MPHOSPH9: variants seen among roughly 807,000 people sequenced by gnomAD.
MPHOSPH9 encodes M-phase phosphoprotein 9.
MPHOSPH9 carries 88 observed loss-of-function variants against 145.5 expected under a neutral mutation model. The ratio of observed to expected loss-of-function variants is 0.60; its 90% CI spans 0.51 to 0.72. The LOEUF (loss-of-function observed/expected upper bound fraction) is 0.72. MPHOSPH9 is among the 30% of genes least tolerant of loss of function. The pLI is 0.00. For missense variants in MPHOSPH9, 1,238 were observed against 1,386.6 expected, an observed-to-expected ratio of 0.89 and a Z score of 1.70; for synonymous variants, 435 against 486.2, an observed-to-expected ratio of 0.89 and a Z score of 1.39.
intron 20 of MPHOSPH9, 56 bp from the exon 21 acceptor site, chr12:123,162,274 T>C: frequency 2.2e-6 from 2 of 926,652 alleles, no homozygotes; most frequent in Non-Finnish European, 3.1e-6. Context: ...ATTTTCCCTA[T>C]CTCCACTACA....
upstream of MPHOSPH9, chr12:123,233,361 G>A (rs997164591): frequency 1.3e-5 from 2 of 152,294 alleles, no homozygotes; most frequent in African/African-American, 4.8e-5. Context: ...AGGGAAAGAA[G>A]CTTCAGTTTC....
At chr12:123,180,016 A>G (rs2045056169) in intron 14 of MPHOSPH9, 26 bp from the exon 15 acceptor site, 1 of 1,204,756 alleles carries the variant, frequency 8.3e-7, no homozygotes, top group Middle Eastern at 2.0e-4. Flanking sequence ...AGAAATTCAG[A>G]TAACTGAAGA....
chr12:123,185,229 T>C (rs1003882205), intron 13 of MPHOSPH9, among the ~76,000 whole-genome samples: 12 of 150,978 alleles, frequency 7.9e-5, no homozygotes, highest in Non-Finnish European at 8.8e-5. Flanking sequence ...AACAGTCCAA[T>C]GGAAGCCATA....
downstream of MPHOSPH9, among the ~76,000 whole-genome samples, chr12:123,153,639 C>T (rs1338203696): frequency 6.6e-6 from 1 of 151,778 alleles, no homozygotes; most frequent in Non-Finnish European, 1.5e-5. Context: ...GTGGTATGCA[C>T]CTGTAATCCC....
chr12:123,161,243 G>A lies in MPHOSPH9; in HGVS notation c.3274C>T (p.Pro1092Ser). The A allele has an allele frequency of 6.8e-6, 11 of 1,614,068 alleles. No homozygotes were observed. The highest frequency in any genetic ancestry group is 8.5e-6 in the Non-Finnish European group (10 of 1,180,008). ...TTCCCCTGTGGAGTGACTGAAACCGGCTTACACTGTTCGTAGCTAACTGAT... is the reference window on the plus strand; with the variant it reads ...TTCCCCTGTGGAGTGACTGAAACCGACTTACACTGTTCGTAGCTAACTGAT... ...NKSVSYEQCKPVSVTPQGNDF... is the reference protein window; with the variant it reads ...NKSVSYEQCKSVSVTPQGNDF... The change falls in exon 22 of 24, where the codon CCG becomes TCG. Residue 1092 changes from proline to serine, a missense_variant. Pro to Ser is a moderately conservative substitution (Grantham distance 74, BLOSUM62 -1). Coordinates refer to ENST00000606320, the MANE Select transcript of MPHOSPH9 (RefSeq NM_022782.4).
At chr12:123,205,213 C>T (rs1454655863) in intron 8 of MPHOSPH9, among the ~76,000 whole-genome samples, 1 of 152,178 alleles carries the variant, frequency 6.6e-6, no homozygotes, top group African/African-American at 2.4e-5. Flanking sequence ...TTTTTAAAAC[C>T]TTGTGAGTGT....
At chr12:123,153,184 T>C (rs1200898886), downstream of MPHOSPH9, 1 of 152,228 alleles carries the variant, frequency 6.6e-6, no homozygotes, top group African/African-American at 2.4e-5. Context: ...TGGAGGATAC[T>C]GGCAATAATT....
upstream of MPHOSPH9, among the ~76,000 whole-genome samples, chr12:123,235,518 C>G (rs1197188638): frequency 6.6e-6 from 1 of 151,716 alleles, no homozygotes; most frequent in African/African-American, 2.4e-5. Context: ...GTGCCTGCCA[C>G]CAGGCCCAGC....
chr12:123,153,157 T>C (rs2043807229), downstream of MPHOSPH9: 1 of 152,180 alleles, frequency 6.6e-6, no homozygotes, highest in African/African-American at 2.4e-5. Flanking sequence ...GATGAAACAT[T>C]TGAAGGGGCA....
chr12:123,238,883 C>G (rs1005415779), intron 1 of MPHOSPH9, among the ~76,000 whole-genome samples: 1 of 152,148 alleles, frequency 6.6e-6, no homozygotes. Context: ...AAGTAGCCAC[C>G]AGCACATGTG....
intron 17 of MPHOSPH9, 76 bp from the exon 18 acceptor site, chr12:123,165,553 A>C: frequency 1.6e-6 from 2 of 1,290,094 alleles, no homozygotes; most frequent in Non-Finnish European, 2.2e-6. Flanking sequence ...CACACCAAAC[A>C]TACATGTTGA....
At chr12:123,178,954 G>T (rs1164781980) in intron 15 of MPHOSPH9, among the ~76,000 whole-genome samples, 1 of 152,182 alleles carries the variant, frequency 6.6e-6, no homozygotes, top group Non-Finnish European at 1.5e-5. Flanking sequence ...CATAATTTTG[G>T]TGTTAATGCT....
chr12:123,219,888 TAAA>T (rs1309148327), intron 5 of MPHOSPH9, among the ~76,000 whole-genome samples: 4 of 151,902 alleles, frequency 2.6e-5, no homozygotes, highest in Non-Finnish European at 5.9e-5. Context: ...TTCTTATACA[TAAA>T]AAACATTCAG....
At position 123,194,609 on chromosome 12, in the gene MPHOSPH9, A is replaced by T; in HGVS notation, c.2026-8T>A. ...GCGTTCTCTCAAATCATTCTATAAA[A>T]CAAAGACAAACATAATTTTTTTTTT... On this transcript the variant is annotated splice_polypyrimidine_tract_variant and splice_region_variant and intron_variant, in intron 12 of 23. Coordinates refer to ENST00000606320, the MANE Select transcript of MPHOSPH9 (RefSeq NM_022782.4). The T allele has an allele frequency of 6.4e-7, 1 of 1,553,896 alleles. No individual in the cohort carries two copies. Among genetic ancestry groups the T allele is most frequent in the Non-Finnish European group, 8.6e-7 (1 of 1,162,402 alleles).
upstream of MPHOSPH9, among the ~76,000 whole-genome samples, chr12:123,234,263 G>T (rs538746838): frequency 2.6e-5 from 4 of 152,296 alleles, no homozygotes; most frequent in Non-Finnish European, 5.9e-5. Context: ...GACTTCCCTG[G>T]CACTATCACT....
chr12:123,227,768 C>T (rs1046212974), intron 2 of MPHOSPH9, among the ~76,000 whole-genome samples, 152 bp from the exon 3 acceptor site: 3 of 152,220 alleles, frequency 2.0e-5, no homozygotes, highest in Non-Finnish European at 4.4e-5. Flanking sequence ...TCACAAGTTG[C>T]TCCACAAAAG....
intron 21 of MPHOSPH9, among the ~76,000 whole-genome samples, chr12:123,161,649 A>T (rs562244533): frequency 1.3e-5 from 2 of 151,718 alleles, no homozygotes; most frequent in Admixed American, 1.3e-4. Flanking sequence ...AATGAACTTT[A>T]AGTAAACTTA....
chr12:123,176,436 C>T (rs1020476163), intron 16 of MPHOSPH9, among the ~76,000 whole-genome samples: 7 of 152,148 alleles, frequency 4.6e-5, no homozygotes, highest in Non-Finnish European at 1.0e-4. Flanking sequence ...AAGTGACTTG[C>T]CTAAGGTCAC....
chr12:123,211,617 A>T (rs1182127461), intron 7 of MPHOSPH9, among the ~76,000 whole-genome samples: 4 of 151,966 alleles, frequency 2.6e-5, no homozygotes, highest in Non-Finnish European at 5.9e-5. Context: ...CGGCCTCCCA[A>T]AGTGCTAGGA....
Sources: gnomAD v4.1 joint callset for allele counts (sites outside exome capture counted in the v4.1 genomes callset) on GRCh38, gnomAD v4.1.1 for gene constraint, MANE v1.5 for transcripts, NCBI Gene and HGNC (gene_info 2026-07-23, HGNC 2026-07-21) for gene names.